BFSP2: variants seen among roughly 807,000 people sequenced by gnomAD.
BFSP2 encodes the protein phakinin.
Under a neutral mutation model 44.9 loss-of-function variants are expected in BFSP2, and 38 were observed. The observed-to-expected ratio is 0.85, with a 90% CI of 0.65 to 1.11. The LOEUF (loss-of-function observed/expected upper bound fraction) is 1.11, where lower values mean the gene tolerates loss of function less well. BFSP2 is among the 50% of genes least tolerant of loss of function. The pLI is 0.00. For synonymous variants in BFSP2, 197 were observed against 209.9 expected (o/e 0.94, Z 0.53); for missense variants, 525 against 533.0 (o/e 0.99, Z 0.15).
At chr3:133,448,418 G>T in intron 2 of BFSP2, 71 bp from the exon 3 acceptor site, 1 of 1,582,424 alleles carries the variant, frequency 6.3e-7, no homozygotes, top group Non-Finnish European at 8.7e-7. Context: ...TGGCCTGTTG[G>T]TAACATTTAT....
chr3:133,401,346 T>C (rs920841849), intron 1 of BFSP2, among the ~76,000 whole-genome samples: 2 of 152,246 alleles, frequency 1.3e-5, no homozygotes, highest in South Asian at 4.1e-4. Flanking sequence ...CATATATGGC[T>C]ATCAAGCACT....
chr3:133,452,601 C>T (rs1337150886), intron 4 of BFSP2, among the ~76,000 whole-genome samples: 1 of 152,270 alleles, frequency 6.6e-6, no homozygotes, highest in African/African-American at 2.4e-5. Context: ...ATCCCATTCC[C>T]TAATTTTAGG....
intron 1 of BFSP2, among the ~76,000 whole-genome samples, chr3:133,446,514 G>A (rs543431126): frequency 7.3e-6 from 1 of 136,114 alleles, no homozygotes; most frequent in South Asian, 2.4e-4. Context: ...TTCTCCCATA[G>A]CTGGGATTTG....
intron 1 of BFSP2, among the ~76,000 whole-genome samples, chr3:133,425,790 G>GAAGGGAAGAAGGA (rs200306312): frequency 2.9e-5 from 4 of 139,804 alleles, no homozygotes; most frequent in African/African-American, 1.2e-4. Flanking sequence ...AAAGGGAAGG[G>GAAGGGAAGAAGGA]AAGGGAAGGG....
intron 4 of BFSP2, among the ~76,000 whole-genome samples, chr3:133,463,015 CT>C: frequency 6.6e-6 from 1 of 152,096 alleles, no homozygotes; most frequent in South Asian, 2.1e-4. Flanking sequence ...TATTTAAAAA[CT>C]CTAGAGCAGA....
chr3:133,466,574 T>C (rs1244171615), intron 4 of BFSP2, among the ~76,000 whole-genome samples: 1 of 146,920 alleles, frequency 6.8e-6, no homozygotes, highest in African/African-American at 2.5e-5. Flanking sequence ...TCCCAGCTAC[T>C]CGAGGCAGGA....
intron 5 of BFSP2, among the ~76,000 whole-genome samples, chr3:133,472,024 T>A (rs2074166367): frequency 6.6e-6 from 1 of 152,042 alleles, no homozygotes; most frequent in East Asian, 1.9e-4. Flanking sequence ...TCAATCCCTA[T>A]CCCTCTTGCC....
In BFSP2 at chr3:133,400,556, C is replaced by G; in HGVS notation, c.473C>G (p.Ala158Gly). Reference sequence around the variant, plus strand: ...TGGGGTGCCCTACGGGCTTCCTGGGCCAGCAGCTGCCAGCAGGTAAGTGTC... The same window carrying G: ...TGGGGTGCCCTACGGGCTTCCTGGGGCAGCAGCTGCCAGCAGGTAAGTGTC... ...GNWGALRASW[A>G]SSCQQVGEAV... Residue 158 changes from alanine to glycine, a missense_variant, in exon 1 of 7, where the codon GCC becomes GGC. Physicochemically the swap from Ala to Gly is moderately conservative, Grantham distance 60. Transcript: ENST00000302334. The surrounding 1 kb of genome is among the most constrained non-coding windows in gnomAD (Gnocchi z 4.0). 1 of 1,601,944 alleles carries G rather than the reference C, an allele frequency of 6.2e-7. No homozygotes were observed. Among genetic ancestry groups the G allele is most frequent in the Non-Finnish European group, 8.5e-7 (1 of 1,174,260 alleles).
rs145871706 is a variant in BFSP2 at position 133,428,673 on chromosome 3, T to A, written c.490-18644T>A. Among the ~76,000 whole-genome samples the A allele has an allele frequency of 2.7e-3, 415 of 152,306 alleles. 8 individuals are homozygous for A. The highest frequency in any genetic ancestry group is 0.022 in the Admixed American group (339 of 15,302). ...TTGTCAGAGGAAAGTCGGGGATAAC[T>A]GTCTGTGCAGGGCCACCTTCGGGTA... On this transcript the variant is annotated intron_variant, in intron 1 of 6. Coordinates refer to ENST00000302334, the MANE Select transcript of BFSP2 (RefSeq NM_003571.4).
chr3:133,462,545 G>A (rs1379114276), intron 4 of BFSP2, among the ~76,000 whole-genome samples: 3 of 152,166 alleles, frequency 2.0e-5, no homozygotes, highest in African/African-American at 4.8e-5. Flanking sequence ...TGGCTTTTCC[G>A]TATGGAGTGA....
intron 1 of BFSP2, among the ~76,000 whole-genome samples, chr3:133,440,611 G>A (rs575328871): frequency 6.6e-6 from 1 of 152,244 alleles, no homozygotes; most frequent in South Asian, 2.1e-4. Context: ...GCTGGAGGTG[G>A]AAGTCTAGGT....
chr3:133,427,855 G>A (rs1479528130), intron 1 of BFSP2, among the ~76,000 whole-genome samples: 3 of 152,160 alleles, frequency 2.0e-5, no homozygotes, highest in Non-Finnish European at 2.9e-5. Context: ...AAGAAAACTG[G>A]AATTTATTGA....
chr3:133,401,504 G>A (rs545049287), intron 1 of BFSP2, among the ~76,000 whole-genome samples: 1 of 152,312 alleles, frequency 6.6e-6, no homozygotes, highest in South Asian at 2.1e-4. Context: ...TGCTTGGTCA[G>A]CCCTGCTTTT....
intron 4 of BFSP2, among the ~76,000 whole-genome samples, chr3:133,456,619 G>T (rs2074015451): frequency 1.3e-5 from 2 of 152,104 alleles, no homozygotes; most frequent in South Asian, 4.2e-4. Context: ...GGTGACATGT[G>T]CCTGCAGTCC....
chr3:133,463,229 A>C (rs1425547757), intron 4 of BFSP2, among the ~76,000 whole-genome samples: 1 of 152,142 alleles, frequency 6.6e-6, no homozygotes, highest in Non-Finnish European at 1.5e-5. Flanking sequence ...GAATTGCTTG[A>C]ACCTGGGAGG....
chr3:133,426,007 AGGAAGGGAAGG>A (rs2073650532), intron 1 of BFSP2, among the ~76,000 whole-genome samples: 1 of 2,290 alleles, frequency 4.4e-4, no homozygotes, highest in Non-Finnish European at 8.1e-4. Flanking sequence ...GGGCAGGGAA[AGGAAGGGAAGG>A]GAAGGGAAGG....
intron 1 of BFSP2, among the ~76,000 whole-genome samples, chr3:133,430,011 T>C (rs2073695569): frequency 6.6e-6 from 1 of 150,414 alleles, no homozygotes. Flanking sequence ...CGGTGTTTGG[T>C]TTTTTGTCCT....
chr3:133,441,040 T>C (rs1401615795), intron 1 of BFSP2, among the ~76,000 whole-genome samples: 1 of 86,714 alleles, frequency 1.2e-5, no homozygotes. Flanking sequence ...AGATGCAATC[T>C]TTTTTTTTTT....
intron 1 of BFSP2, among the ~76,000 whole-genome samples, chr3:133,419,112 A>C (rs2073570250): frequency 6.6e-6 from 1 of 151,840 alleles, no homozygotes; most frequent in African/African-American, 2.4e-5. Flanking sequence ...CCGTGTCCTC[A>C]CACAGGCTTC....
Sources: allele counts gnomAD v4.1 joint callset (sites outside exome capture counted in the v4.1 genomes callset), GRCh38; gene constraint gnomAD v4.1.1; non-coding constraint Gnocchi (gnomAD v3.1); transcripts MANE v1.5; gene names NCBI Gene and HGNC (gene_info 2026-07-23, HGNC 2026-07-21).